The following ATOX1 variants were observed in gnomAD, a reference collection of about 807,000 sequenced individuals.
The protein encoded by ATOX1 is copper transport protein ATOX1.
In ATOX1, 4 loss-of-function variants were observed where a neutral mutation model predicts 7.3. That is an observed-to-expected ratio of 0.55 (90% CI 0.27 to 1.25). The LOEUF is 1.25. Among genes scored for constraint, ATOX1 ranks in the 50% most tolerant of loss-of-function variants. ATOX1 has a pLI of 0.12. For synonymous variants in ATOX1, 25 were observed against 28.7 expected, an observed-to-expected ratio of 0.87 and a Z score of 0.41; for missense variants, 68 against 81.6, an observed-to-expected ratio of 0.83 and a Z score of 0.64.
chr5:151,749,250 C>G (rs1490458510), intron 2 of ATOX1, among the ~76,000 whole-genome samples: 1 of 152,278 alleles, frequency 6.6e-6, no homozygotes, highest in East Asian at 1.9e-4. Context: ...CTTTGGGGGA[C>G]CAAGGTGGGC....
rs535615249 is a variant in ATOX1, at chr5:151,758,561, A to AGCGGCGGTGTG, written c.-21_-11dup. On this transcript the variant is annotated 5_prime_UTR_variant, in exon 1 of 4. Coordinates refer to ENST00000313115, the MANE Select transcript of ATOX1 (RefSeq NM_004045.4). ...AACCACTCACCGGCATGACTGAGGCAGCGGCGGTGTGGCGGCGGTGTGGCG... is the reference window on the plus strand; with the variant it reads ...AACCACTCACCGGCATGACTGAGGCAGCGGCGGTGTGGCGGCGGTGTGGCGGCGGTGTGGCG... 2,665 of 1,427,198 alleles carry AGCGGCGGTGTG rather than the reference A, an allele frequency of 1.9e-3. 30 individuals are homozygous for AGCGGCGGTGTG. In the East Asian group the frequency reaches 0.032, roughly 17 times the overall value. The allele number at this position is 1,427,198 out of a possible 1,614,324, so 88.4% of individuals were successfully genotyped here. A position where few individuals can be genotyped will look rare whatever the true frequency, so the allele number is the denominator to read the frequency against.
chr5:151,754,980 C>CAAAAAAAAAAAAAAAAAAAAAAAAA (rs79359321), intron 1 of ATOX1, among the ~76,000 whole-genome samples: 1 of 48,888 alleles, frequency 2.0e-5, no homozygotes, highest in Non-Finnish European at 4.4e-5. Flanking sequence ...AGACACCGTC[C>CAAAAAAAAAAAAAAAAAAAAAAAAA]AAAAAAAAAA....
intron 1 of ATOX1, chr5:151,753,957 T>C (rs1761981800): frequency 6.6e-6 from 1 of 152,352 alleles, no homozygotes; most frequent in African/African-American, 2.4e-5. Flanking sequence ...CTGTTTGACC[T>C]TTGTGACTAG....
chr5:151,748,963 G>A (rs780642978), intron 2 of ATOX1, among the ~76,000 whole-genome samples: 33 of 152,066 alleles, frequency 2.2e-4, no homozygotes, highest in East Asian at 1.9e-4. Context: ...AAAAATAGCC[G>A]GGTGTGGTCC....
chr5:151,750,270 G>A (rs1459666765), intron 2 of ATOX1, among the ~76,000 whole-genome samples: 1 of 152,126 alleles, frequency 6.6e-6, no homozygotes, highest in Non-Finnish European at 1.5e-5. Context: ...AAGAATATCT[G>A]CATGTGGCCA....
At chr5:151,748,722 T>C (rs1761908245) in intron 2 of ATOX1, among the ~76,000 whole-genome samples, 1 of 151,678 alleles carries the variant, frequency 6.6e-6, no homozygotes, top group Non-Finnish European at 1.5e-5. Context: ...ATTAGCTCAG[T>C]GTGTGGCATG....
chr5:151,755,342 A>T (rs913369954), intron 1 of ATOX1, among the ~76,000 whole-genome samples: 1 of 152,186 alleles, frequency 6.6e-6, no homozygotes, highest in Non-Finnish European at 1.5e-5. Context: ...TATTTATCTT[A>T]TTTCACTCAG....
intron 1 of ATOX1, among the ~76,000 whole-genome samples, chr5:151,754,756 C>T (rs932362734): frequency 3.3e-5 from 5 of 151,774 alleles, no homozygotes; most frequent in East Asian, 1.9e-4. Flanking sequence ...GAGGCTGAGG[C>T]GGGAGGATCA....
intron 3 of ATOX1, chr5:151,743,236 C>T (rs768347462): frequency 2.0e-5 from 3 of 152,204 alleles, no homozygotes; most frequent in Non-Finnish European, 4.4e-5. Flanking sequence ...CTGCCAAAGC[C>T]CTCTTCTGGG....
At chr5:151,743,551 A>G (rs1761845877) in intron 3 of ATOX1, 1 of 152,178 alleles carries the variant, frequency 6.6e-6, no homozygotes, top group Admixed American at 6.5e-5. Context: ...CAAACAATAC[A>G]TGGTTACTGA....
At chr5:151,750,484 C>A (rs1248017714) in intron 2 of ATOX1, among the ~76,000 whole-genome samples, 27 of 102,386 alleles carry the variant, frequency 2.6e-4, no homozygotes, top group African/African-American at 9.0e-4. Context: ...CCAGCCTGGG[C>A]AACAAACAGA....
chr5:151,750,875 A>G (rs566407044), intron 2 of ATOX1, among the ~76,000 whole-genome samples: 1 of 150,888 alleles, frequency 6.6e-6, no homozygotes, highest in Non-Finnish European at 1.5e-5. Context: ...GGTCTCGGGA[A>G]CTCCTGAGCT....
intron 2 of ATOX1, among the ~76,000 whole-genome samples, chr5:151,749,905 T>C (rs1312867683): frequency 1.3e-5 from 2 of 152,180 alleles, no homozygotes; most frequent in African/African-American, 4.8e-5. Flanking sequence ...GGCAAGTCAC[T>C]TAACCTCCTG....
chr5:151,746,291 G>A lies in ATOX1; in HGVS notation c.*34C>T, dbSNP rs374771049. On this transcript the variant is annotated 3_prime_UTR_variant, in exon 3 of 4. Transcript: ENST00000313115. ...GGGCCTTACCCACCTGCCCCCTTTG[G>A]TCCATCCTGTGGGCTGTGGGGACCA... 2 of 1,610,554 alleles carry A rather than the reference G, an allele frequency of 1.2e-6. No individual in the cohort carries two copies. Among genetic ancestry groups the A allele is most frequent in the African/African-American group, 1.3e-5 (1 of 74,826 alleles).
At chr5:151,758,298 G>A (rs1168448592) in intron 1 of ATOX1, among the ~76,000 whole-genome samples, 1 of 152,252 alleles carries the variant, frequency 6.6e-6, no homozygotes, top group South Asian at 2.1e-4. Context: ...GGGAAGGTGT[G>A]GGCTTGTCGC....
At chr5:151,749,447 T>C (rs1021763050) in intron 2 of ATOX1, among the ~76,000 whole-genome samples, 3 of 150,874 alleles carry the variant, frequency 2.0e-5, no homozygotes, top group East Asian at 1.9e-4. Context: ...ATCACGCCAT[T>C]GCACTCTAGC....
chr5:151,745,998 C>T, intron 3 of ATOX1: 2 of 252,162 alleles, frequency 7.9e-6, no homozygotes, highest in South Asian at 5.2e-5. Flanking sequence ...AAACTTAAAC[C>T]CTGCTAACCA....
Position 151,747,885 on chromosome 5 carries a change from G to A in ATOX1, c.83-1436C>T, listed in dbSNP as rs551887847. ...ACTATAGGCGTGAGCCACAGTGCCC[G>A]GCCCTATTCTTTTTTTAAAAGCTAC... On this transcript the variant is annotated intron_variant, in intron 2 of 3. Coordinates refer to ENST00000313115, the MANE Select transcript of ATOX1 (RefSeq NM_004045.4). Among the ~76,000 whole-genome samples the A allele has an allele frequency of 9.8e-5, 15 of 152,306 alleles. No homozygotes were observed. The South Asian group carries it at 1.9e-3, about 19-fold the overall frequency.
chr5:151,757,423 A>G (rs1176338600), intron 1 of ATOX1, among the ~76,000 whole-genome samples: 1 of 152,080 alleles, frequency 6.6e-6, no homozygotes, highest in Non-Finnish European at 1.5e-5. Flanking sequence ...CAGATTCCTT[A>G]TCCATACTTT....
Sources: allele counts gnomAD v4.1 joint callset (sites outside exome capture counted in the v4.1 genomes callset), GRCh38; gene constraint gnomAD v4.1.1; transcripts MANE v1.5; gene names NCBI Gene and HGNC (gene_info 2026-07-23, HGNC 2026-07-21).